Variants in SOX5 observed in about 807,000 individuals in gnomAD.
The protein encoded by SOX5 is SRY-box transcription factor 5.
Under a neutral mutation model 92.0 loss-of-function variants are expected in SOX5, and 9 were observed. The ratio of observed to expected loss-of-function variants is 0.10; its 90% confidence interval spans 0.06 to 0.17. SOX5 has a LOEUF of 0.17. SOX5 is among the 10% of genes least tolerant of loss of function. The pLI, the probability that SOX5 is intolerant of heterozygous loss-of-function variation, is 1.00. For missense variants in SOX5, 642 were observed against 944.5 expected, an observed-to-expected ratio of 0.68 and a Z score of 4.20; for synonymous variants, 344 against 336.3, an observed-to-expected ratio of 1.02 and a Z score of -0.25.
At chr12:23,894,619 A>G (rs535594717) in intron 2 of SOX5, among the ~76,000 whole-genome samples, 1 of 152,358 alleles carries the variant, frequency 6.6e-6, no homozygotes, top group Admixed American at 6.5e-5. Context: ...GGGAATATTT[A>G]AATCTAATAT....
intron 8 of SOX5, among the ~76,000 whole-genome samples, chr12:23,618,525 G>A (rs1446517886): frequency 1.3e-5 from 2 of 152,122 alleles, no homozygotes; most frequent in Non-Finnish European, 2.9e-5. Flanking sequence ...TACTTCCAGA[G>A]TACATACTTG....
chr12:24,135,007 AAGAC>A (rs1312210260), intron 4 of SOX5, among the ~76,000 whole-genome samples: 1 of 152,200 alleles, frequency 6.6e-6, no homozygotes, highest in Non-Finnish European at 1.5e-5. Context: ...TCAGGCTGCA[AAGAC>A]AGACACAGAA....
At chr12:24,255,663 G>A (rs1206803429) in intron 3 of SOX5, among the ~76,000 whole-genome samples, 1 of 151,996 alleles carries the variant, frequency 6.6e-6, no homozygotes, top group African/African-American at 2.4e-5. Context: ...CAGGCTTCTC[G>A]ACTCGGAAAA....
At chr12:24,000,832 G>T (rs1383225617) in intron 4 of SOX5, among the ~76,000 whole-genome samples, 3 of 152,050 alleles carry the variant, frequency 2.0e-5, no homozygotes, top group Non-Finnish European at 2.9e-5. Flanking sequence ...ACACAAATAG[G>T]TTGAAAGCAA....
At chr12:23,695,395 A>G (rs983501877) in intron 6 of SOX5, among the ~76,000 whole-genome samples, 5 of 152,174 alleles carry the variant, frequency 3.3e-5, no homozygotes, top group African/African-American at 1.2e-4. Context: ...CTTATGAGGA[A>G]TATGTTCAAT....
chr12:24,352,612 G>T (rs1010239725), intron 2 of SOX5, among the ~76,000 whole-genome samples: 5 of 152,134 alleles, frequency 3.3e-5, no homozygotes, highest in African/African-American at 1.2e-4. Context: ...GCACTGATTG[G>T]TTTTTTTATC....
intron 4 of SOX5, among the ~76,000 whole-genome samples, chr12:24,118,573 A>T (rs1427264788): frequency 6.6e-6 from 1 of 151,998 alleles, no homozygotes. Flanking sequence ...ATGATCATAC[A>T]TCTTTAAAAA....
intron 13 of SOX5, among the ~76,000 whole-genome samples, chr12:23,537,944 G>GT (rs5797021): frequency 1.5e-3 from 218 of 147,952 alleles, no homozygotes; most frequent in Middle Eastern, 3.5e-3. Context: ...TAGTAATAGC[G>GT]TTTTTTTTTT....
chr12:24,096,342 G>A (rs1405159635), intron 4 of SOX5, among the ~76,000 whole-genome samples: 2 of 152,064 alleles, frequency 1.3e-5, no homozygotes, highest in African/African-American at 4.8e-5. Flanking sequence ...ATTTTAAAAT[G>A]TACAATTCTA....
intron 3 of SOX5, among the ~76,000 whole-genome samples, chr12:23,838,234 A>T (rs990299023): frequency 6.8e-5 from 10 of 147,812 alleles, no homozygotes; most frequent in Non-Finnish European, 1.3e-4. Flanking sequence ...ATTTAGAAAA[A>T]CAAAGTTCTG....
At chr12:23,562,154 C>G (rs1401965962) in intron 11 of SOX5, among the ~76,000 whole-genome samples, 1 of 152,186 alleles carries the variant, frequency 6.6e-6, no homozygotes, top group Non-Finnish European at 1.5e-5. Flanking sequence ...ACACCAATGT[C>G]ATACGTCTTA....
chr12:24,392,339 A>T (rs1014505888), intron 1 of SOX5, among the ~76,000 whole-genome samples: 1 of 152,118 alleles, frequency 6.6e-6, no homozygotes, highest in Non-Finnish European at 1.5e-5. Context: ...CACACTTAAG[A>T]TTAAAATCCA....
chr12:24,428,114 T>C (rs1966878666), intron 1 of SOX5, among the ~76,000 whole-genome samples: 2 of 152,130 alleles, frequency 1.3e-5, no homozygotes, highest in Admixed American at 1.3e-4. Flanking sequence ...ACCGTGCTAA[T>C]TATTTATTGT....
At chr12:24,126,208 T>C (rs1949088162) in intron 4 of SOX5, among the ~76,000 whole-genome samples, 2 of 152,190 alleles carry the variant, frequency 1.3e-5, no homozygotes, top group South Asian at 4.1e-4. Context: ...TTGTTTTGAA[T>C]TCCCCTTCCA....
intron 6 of SOX5, among the ~76,000 whole-genome samples, chr12:23,716,586 G>T (rs2092512668): frequency 6.6e-6 from 1 of 152,138 alleles, no homozygotes; most frequent in Admixed American, 6.5e-5. Flanking sequence ...TTTCTGGGAT[G>T]TTGATCACTA....
At chr12:24,206,809 C>T (rs899845434) in intron 4 of SOX5, among the ~76,000 whole-genome samples, 1 of 152,206 alleles carries the variant, frequency 6.6e-6, no homozygotes, top group Non-Finnish European at 1.5e-5. Context: ...TGATGACTTC[C>T]CTGTGGCTTG....
In SOX5 at chr12:24,222,711, A is replaced by G. The variant is rs774902939; in HGVS notation, c.-76-9294T>C. ...GGATAGGATTAATAGAAATAAGTAAATGAATAAATGATTACTGATAACTAG... is the reference window on the plus strand; with the variant it reads ...GGATAGGATTAATAGAAATAAGTAAGTGAATAAATGATTACTGATAACTAG... On this transcript the variant is annotated intron_variant, in intron 3 of 4. Transcript: ENST00000446891. Among the ~76,000 whole-genome samples the G allele has an allele frequency of 3.7e-4, 57 of 152,220 alleles. 1 individual carries two copies. The highest frequency in any genetic ancestry group is 2.5e-4 in the Non-Finnish European group (17 of 68,034).
chr12:23,742,240 T>G (rs1054581403), intron 4 of SOX5, among the ~76,000 whole-genome samples: 2 of 152,172 alleles, frequency 1.3e-5, no homozygotes, highest in Admixed American at 6.5e-5. Context: ...GCTTATAATT[T>G]TTATATGACC....
intron 4 of SOX5, among the ~76,000 whole-genome samples, chr12:24,177,235 T>C (rs1461318364): frequency 2.6e-5 from 4 of 152,160 alleles, no homozygotes; most frequent in Non-Finnish European, 4.4e-5. Context: ...ACTGAAGAAA[T>C]GTAGAGGGTA....
Sources: gnomAD v4.1 joint callset for allele counts (sites outside exome capture counted in the v4.1 genomes callset) on GRCh38, gnomAD v4.1.1 for gene constraint, MANE v1.5 for transcripts, NCBI Gene and HGNC (gene_info 2026-07-23, HGNC 2026-07-21) for gene names.